Variants in NAV3 observed in about 807,000 individuals in gnomAD.
The protein encoded by NAV3 is pore membrane and/or filament interacting like protein 1.
A neutral mutation model predicts 244.7 loss-of-function variants in NAV3; 87 were observed. The observed-to-expected ratio is 0.36, with a 90% CI of 0.30 to 0.42. The LOEUF (loss-of-function observed/expected upper bound fraction) is 0.42, where lower values mean the gene tolerates loss of function less well. Among genes scored for constraint, NAV3 ranks in the 20% least tolerant of loss-of-function variants. NAV3 has a pLI of 1.00. For synonymous variants in NAV3, 1,126 were observed against 1,042.2 expected (o/e 1.08, Z -1.55); for missense variants, 2,663 against 2,893.3 (o/e 0.92, Z 1.83).
intron 2 of NAV3, among the ~76,000 whole-genome samples, chr12:77,665,211 G>A (rs968613585): frequency 1.3e-5 from 2 of 152,108 alleles, no homozygotes; most frequent in Non-Finnish European, 2.9e-5. Context: ...AAATAAAATT[G>A]TGTTTACAGT....
Position 77,875,875 on chromosome 12 carries a change from A to T in NAV3, c.243+44171A>T, listed in dbSNP as rs141497171. ...CTATCAATAGGCAATACTTAAGAGG[A>T]TCCATAATCATTTCTTCCTTGCTCT... On this transcript the variant is annotated intron_variant, in intron 1 of 39. Transcript: ENST00000397909. Among the ~76,000 whole-genome samples, 625 of 152,140 alleles carry T rather than the reference A, an allele frequency of 4.1e-3. 4 individuals carry two copies. The highest frequency in any genetic ancestry group is 0.014 in the African/African-American group (600 of 41,538).
intron 3 of NAV3, among the ~76,000 whole-genome samples, chr12:77,960,971 T>C (rs1192309987): frequency 6.8e-6 from 1 of 146,706 alleles, no homozygotes; most frequent in African/African-American, 2.5e-5. Context: ...GTAATATATG[T>C]ATATATGTAT....
At chr12:77,840,675 T>C (rs1875480155) in intron 1 of NAV3, among the ~76,000 whole-genome samples, 1 of 152,182 alleles carries the variant, frequency 6.6e-6, no homozygotes, top group Non-Finnish European at 1.5e-5. Flanking sequence ...TAAGGATTAT[T>C]ACTAACACTT....
chr12:77,592,112 G>T (rs116835098), intron 2 of NAV3, among the ~76,000 whole-genome samples: 1 of 152,054 alleles, frequency 6.6e-6, no homozygotes, highest in African/African-American at 2.4e-5. Context: ...TAGCTCATTC[G>T]GCTTCCCTCC....
At chr12:77,596,493 A>G (rs888533353) in intron 2 of NAV3, among the ~76,000 whole-genome samples, 1 of 152,152 alleles carries the variant, frequency 6.6e-6, no homozygotes, top group Non-Finnish European at 1.5e-5. Flanking sequence ...AAAATTGCAT[A>G]AAATTTTATT....
Position 78,006,871 on chromosome 12 carries a change from A to C in NAV3, c.1333A>C (p.Lys445Gln). 1 of 1,614,144 alleles carries C rather than the reference A, an allele frequency of 6.2e-7. No homozygotes were observed. The highest frequency in any genetic ancestry group is 8.5e-7 in the Non-Finnish European group (1 of 1,180,024). Reference protein sequence around the residue: ...STNSSPKVSPKLAPPKAGSKN... With the variant: ...STNSSPKVSPQLAPPKAGSKN... The stretch of plus-strand genomic sequence containing the variant: ...AAATAGCAGTCCCAAAGTGTCACCT[A>C]AGTTGGCCCCTCCAAAAGCTGGAAG... Residue 445 changes from lysine to glutamine, a missense_variant, in exon 8 of 40, where the codon AAG (lysine) becomes CAG (glutamine). By Grantham distance (53) the Lys-to-Gln change is moderately conservative. Transcript: ENST00000397909.
chr12:77,658,507 C>G (rs1351397669), intron 2 of NAV3, among the ~76,000 whole-genome samples: 1 of 150,246 alleles, frequency 6.7e-6, no homozygotes, highest in African/African-American at 2.5e-5. Flanking sequence ...TAGGAAGAAT[C>G]AATATCGTGA....
intron 2 of NAV3, among the ~76,000 whole-genome samples, chr12:77,769,117 T>A (rs201612117): frequency 3.3e-5 from 5 of 152,332 alleles, no homozygotes; most frequent in East Asian, 3.9e-4. Flanking sequence ...AAAGGTTCAG[T>A]AATTTGCTCA....
intron 1 of NAV3, among the ~76,000 whole-genome samples, chr12:77,939,997 A>T (rs757584715): frequency 1.3e-5 from 2 of 152,130 alleles, no homozygotes; most frequent in Admixed American, 6.6e-5. Flanking sequence ...TTTCAAAATG[A>T]TAGAAACAAT....
intron 18 of NAV3, among the ~76,000 whole-genome samples, chr12:78,130,083 G>A (rs186153771): frequency 8.3e-4 from 127 of 152,258 alleles, no homozygotes; most frequent in African/African-American, 2.8e-3. Context: ...TTTGAGCCTT[G>A]TATTTTCCAG....
At chr12:78,177,540 C>G (rs1958289232) in intron 27 of NAV3, 80 bp from the exon 28 acceptor site, 1 of 1,348,302 alleles carries the variant, frequency 7.4e-7, no homozygotes, top group Admixed American at 1.9e-5. Flanking sequence ...TGATCTCATT[C>G]TCCAGTTTTC....
At chr12:77,840,726 T>C (rs1875491954) in intron 1 of NAV3, among the ~76,000 whole-genome samples, 1 of 152,214 alleles carries the variant, frequency 6.6e-6, no homozygotes, top group Non-Finnish European at 1.5e-5. Flanking sequence ...ACCCAAGCTA[T>C]AACTCTGGTC....
chr12:77,601,643 T>A (rs1321255607), intron 2 of NAV3, among the ~76,000 whole-genome samples: 1 of 151,968 alleles, frequency 6.6e-6, no homozygotes, highest in Admixed American at 6.6e-5. Context: ...GCTGAGGGAT[T>A]TGTATTGTAC....
chr12:78,145,462 G>A (rs944770798), intron 20 of NAV3, among the ~76,000 whole-genome samples: 1 of 152,178 alleles, frequency 6.6e-6, no homozygotes, highest in Non-Finnish European at 1.5e-5. Flanking sequence ...CATAGAAAAC[G>A]AGAGATTGTT....
chr12:77,752,299 A>C (rs771976038), intron 2 of NAV3, among the ~76,000 whole-genome samples: 1 of 152,260 alleles, frequency 6.6e-6, no homozygotes, highest in African/African-American at 2.4e-5. Context: ...CTGGGAAGGA[A>C]ACTATTTGTT....
At chr12:77,744,341 G>T (rs557707641) in intron 2 of NAV3, among the ~76,000 whole-genome samples, 7 of 152,062 alleles carry the variant, frequency 4.6e-5, no homozygotes, top group Admixed American at 1.3e-4. Context: ...TCAACAAATG[G>T]TTCTCTAACA....
At position 78,179,577 on chromosome 12, in the gene NAV3, G is replaced by A; in HGVS notation, c.5412G>A (p.Lys1804=). ...EAEAEIILQL[K]SELREKELKL... ...AGGCAGAGATAATTCTGCAGCTGAA[G>A]AGCGAGCTCAGAGAAAAGGAATTAA... Residue 1804 remains lysine, a synonymous_variant, in exon 29 of 40, where the codon AAG becomes AAA. Coordinates refer to ENST00000397909, the MANE Select transcript of NAV3 (RefSeq NM_001024383.2). 6.2e-7 allele frequency: 1 copy of A among 1,613,342 alleles called. No homozygotes were observed. The highest frequency in any genetic ancestry group is 8.5e-7 in the Non-Finnish European group (1 of 1,179,522).
At position 78,165,841 on chromosome 12, in the gene NAV3, G is replaced by T. The variant is rs556362650; in HGVS notation, c.4870-2914G>T. ...AAGAGAGAAAGGAAAACCTGACTTT[G>T]TTCTCATCCAAAGGAGGTGATTCCA... On this transcript the variant is annotated intron_variant, in intron 23 of 39. Transcript: ENST00000397909. 3.4e-4 allele frequency among the ~76,000 whole-genome samples: 52 copies of T among 151,626 alleles called. 1 individual carries two copies. Among genetic ancestry groups the T allele is most frequent in the African/African-American group, 1.2e-3 (48 of 41,426 alleles).
intron 2 of NAV3, among the ~76,000 whole-genome samples, chr12:77,747,279 G>A (rs956013062): frequency 2.0e-5 from 3 of 151,972 alleles, no homozygotes; most frequent in Admixed American, 1.3e-4. Flanking sequence ...TTGTTGATGG[G>A]GTTGTTTGTT....
Sources: gnomAD v4.1 joint callset for allele counts (sites outside exome capture counted in the v4.1 genomes callset) on GRCh38, gnomAD v4.1.1 for gene constraint, MANE v1.5 for transcripts, NCBI Gene and HGNC (gene_info 2026-07-23, HGNC 2026-07-21) for gene names.